The following PIGA variants were observed in gnomAD, a reference collection of about 807,000 sequenced individuals.
PIGA encodes phosphatidylinositol glycan anchor biosynthesis class A.
In PIGA, 3 loss-of-function variants were observed where a neutral mutation model predicts 17.1. The observed-to-expected ratio is 0.18, with a 90% CI of 0.08 to 0.45. The LOEUF is 0.45. Among genes scored for constraint, PIGA ranks in the 20% least tolerant of loss-of-function variants. The pLI is 0.99. For synonymous variants in PIGA, 126 were observed against 135.1 expected (o/e 0.93, Z 0.47); for missense variants, 231 against 374.1 (o/e 0.62, Z 3.16).
intron 3 of PIGA, 100 bp downstream of exon 3, chrX:15,325,814 C>T: frequency 1.7e-6 from 1 of 592,344 alleles, no homozygotes; most frequent in South Asian, 4.6e-5. Flanking sequence ...ATATCAATTA[C>T]ATGCAGGAGA....
At position 15,319,684 on chromosome X, in the gene PIGA, T is replaced by C. The variant is rs1265133246; in HGVS notation, c.*1822A>G. On this transcript the variant is annotated 3_prime_UTR_variant, in exon 6 of 6. Transcript: ENST00000333590. ...GTTACAATTAAGGTATCCAGAAAGG[T>C]TGAAAATTAAGATTTACGTGAAACA... is the stretch of plus-strand genomic sequence containing the variant. 9.1e-6 allele frequency: 1 copy of C among 110,326 alleles called. No homozygotes were observed. The highest frequency in any genetic ancestry group is 1.9e-5 in the Non-Finnish European group (1 of 52,921). The allele number at this position is 110,326 out of a possible 1,213,427, so 9.1% of individuals were successfully genotyped here. A position where few individuals can be genotyped will look rare whatever the true frequency, so the allele number is the denominator to read the frequency against.
chrX:15,322,564 T>C (rs1921848714), intron 5 of PIGA, among the ~76,000 whole-genome samples: 1 of 111,911 alleles, frequency 8.9e-6, no homozygotes, highest in South Asian at 3.7e-4. Context: ...TGGGCCAACA[T>C]TCATATTTTG....
intron 4 of PIGA, 29 bp from the exon 5 acceptor site, chrX:15,324,900 C>T: frequency 8.7e-7 from 1 of 1,154,939 alleles, no homozygotes; most frequent in South Asian, 1.9e-5. Flanking sequence ...ACACATACTC[C>T]ACCATAATCA....
chrX:15,321,298 A>G lies in PIGA; in HGVS notation c.*208T>C. On this transcript the variant is annotated 3_prime_UTR_variant, in exon 6 of 6. Coordinates refer to ENST00000333590, the MANE Select transcript of PIGA (RefSeq NM_002641.4). ...CTGAGTGGCTTAAATGTTCTCTCCT[A>G]AATTTTAAATAAGTGCAAGAAGTTT... 1 of 362,766 alleles carries G rather than the reference A, an allele frequency of 2.8e-6. No homozygotes were observed. 29.9% of individuals were successfully genotyped at this position (362,766 alleles called of 1,213,427 possible). A position where few individuals can be genotyped will look rare whatever the true frequency, so the allele number is the denominator to read the frequency against.
At chrX:15,331,162 A>G in intron 2 of PIGA, 54 bp downstream of exon 2, 1 of 860,234 alleles carries the variant, frequency 1.2e-6, no homozygotes. Flanking sequence ...AGTATTCAAC[A>G]GCTTTCTATA....
chrX:15,334,682 T>C (rs968960685), intron 1 of PIGA, among the ~76,000 whole-genome samples: 2 of 112,088 alleles, frequency 1.8e-5, no homozygotes, highest in African/African-American at 6.5e-5. Context: ...AGATGAACGA[T>C]AGCAAAAACA....
chrX:15,327,254 G>A (rs1312241925), intron 2 of PIGA: 3 of 98,923 alleles, frequency 3.0e-5, no homozygotes, highest in East Asian at 3.1e-4. Flanking sequence ...GCGAGACTCC[G>A]TCTCAAAAAA....
At chrX:15,330,605 CTTTT>C (rs759324105) in intron 2 of PIGA, among the ~76,000 whole-genome samples, 10 of 108,571 alleles carry the variant, frequency 9.2e-5, no homozygotes, top group Non-Finnish European at 1.4e-4. Context: ...CCCTTTACTT[CTTTT>C]TTTTTTCTTT....
At chrX:15,334,626 T>G (rs772855498) in intron 1 of PIGA, among the ~76,000 whole-genome samples, 1 of 112,162 alleles carries the variant, frequency 8.9e-6, no homozygotes, top group Non-Finnish European at 1.9e-5. Flanking sequence ...AACATTTTCT[T>G]ACTGTGGTCA....
chrX:15,331,636 T>G lies in PIGA; in HGVS notation c.295A>C (p.Asn99His), dbSNP rs1241615240. Residue 99 changes from asparagine to histidine, a missense_variant, in exon 2 of 6, where the codon AAC (asparagine) becomes CAC (histidine). Physicochemically the swap from Asn to His is moderately conservative, Grantham distance 68. This residue lies in a region of PIGA where 29 missense variants were observed against 36.6 expected (regional missense o/e 0.79). Transcript: ENST00000333590. ...VYYLPLKVMY[N>H]QSTATTLFHS... is the part of the protein sequence containing the mutation. The stretch of plus-strand genomic sequence containing the variant: ...AAGAGGGTCGTGGCTGTAGACTGGT[T>G]GTACATGACTTTCAGAGGCAAGTAA... 1.7e-6 allele frequency: 2 copies of G among 1,210,356 alleles called. No individual in the cohort carries two copies. The highest frequency in any genetic ancestry group is 2.2e-6 in the Non-Finnish European group (2 of 895,162).
intron 2 of PIGA, chrX:15,330,814 G>A (rs1417670783): frequency 8.5e-6 from 1 of 117,893 alleles, no homozygotes; most frequent in African/African-American, 3.3e-5. Context: ...ATGTTAGCCA[G>A]GATGGTCTCA....
rs757121631 is a variant in PIGA, at chrX:15,325,128, T to C, written c.873A>G (p.Glu291=). The change falls in exon 4 of 6, where the codon GAA becomes GAG. Residue 291 remains glutamate, a synonymous_variant. Transcript: ENST00000333590. ...HDRVRLLGAL[E]HKDVRNVLVQ... The stretch of plus-strand genomic sequence containing the variant: ...CTAAGACATTTCTAACATCCTTGTG[T>C]TCTAAAGCTCCCAAAAGACGCACCC... 9 of 1,194,041 alleles carry C rather than the reference T, an allele frequency of 7.5e-6. No individual in the cohort carries two copies. The Admixed American group carries it at 2.1e-4, about 28-fold the overall frequency.
rs1291571727 is a variant in PIGA at position 15,325,002 on chromosome X, G to A, written c.981+18C>T. On this transcript the variant is annotated intron_variant, in intron 4 of 5. Transcript: ENST00000333590. ...ATACACAGAAATCCCAACCATGAAT[G>A]CCCTCAAAGCTTTTTACCTGTAAAC... 5.1e-6 allele frequency: 6 copies of A among 1,184,262 alleles called. No individual in the cohort carries two copies. In the East Asian group the frequency reaches 1.8e-4, roughly 35 times the overall value.
chrX:15,326,163 A>G (rs1224330855), intron 2 of PIGA, 117 bp from the exon 3 acceptor site: 2 of 438,946 alleles, frequency 4.6e-6, no homozygotes, highest in Non-Finnish European at 7.6e-6. Context: ...CATAAAGGAG[A>G]GAAACTCTCT....
rs1463659436 is a variant in PIGA, at chrX:15,321,426, C to A, written c.*80G>T. ...TAAATTAACTCTAAAAAAACAAAAA[C>A]CCCCCAAAAGCAAGGTTATTTTCCA... On this transcript the variant is annotated 3_prime_UTR_variant, in exon 6 of 6. Transcript: ENST00000333590. 7.8e-6 allele frequency: 7 copies of A among 892,684 alleles called. No homozygotes were observed. The African/African-American group carries it at 1.2e-4, about 15-fold the overall frequency. 73.6% of individuals were successfully genotyped at this position (892,684 alleles called of 1,213,427 possible).
intron 2 of PIGA, among the ~76,000 whole-genome samples, chrX:15,329,141 C>A (rs1387555537): frequency 8.9e-6 from 1 of 112,397 alleles, no homozygotes; most frequent in Non-Finnish European, 1.9e-5. Context: ...CACTCCCTAG[C>A]ACACTGGCAC....
Position 15,321,735 on chromosome X carries a change from A to C in PIGA, c.1226T>G (p.Met409Arg). 1 of 1,210,880 alleles carries C rather than the reference A, an allele frequency of 8.3e-7. No individual in the cohort carries two copies. The highest frequency in any genetic ancestry group is 1.1e-6 in the Non-Finnish European group (1 of 894,546). ...DRVSVEAVLP[M>R]DKRLDRLISH... ...AATAAGTCTGTCCAGTCGTTTGTCC[A>C]TTGGCAACACAGCTTCCACTGATAC... is the stretch of plus-strand genomic sequence containing the variant. Residue 409 changes from methionine to arginine, a missense_variant, in exon 6 of 6, where the codon ATG (methionine) becomes AGG (arginine). By Grantham distance (91) the Met-to-Arg change is moderately conservative. Coordinates refer to ENST00000333590, the MANE Select transcript of PIGA (RefSeq NM_002641.4).
intron 2 of PIGA, among the ~76,000 whole-genome samples, chrX:15,329,868 G>A (rs947636193): frequency 9.0e-6 from 1 of 111,186 alleles, no homozygotes; most frequent in Non-Finnish European, 1.9e-5. Flanking sequence ...GGTGGATCAC[G>A]AGGTCAGGAG....
chrX:15,325,843 C>T (rs968807669), intron 3 of PIGA, 71 bp downstream of exon 3: 18 of 831,543 alleles, frequency 2.2e-5, no homozygotes, highest in African/African-American at 4.1e-5. Context: ...ACCTAAGGTA[C>T]GCATGCAGTT....
Sources: allele counts gnomAD v4.1 joint callset (sites outside exome capture counted in the v4.1 genomes callset), GRCh38; gene constraint gnomAD v4.1.1; regional missense constraint gnomAD v4.1.1; transcripts MANE v1.5; gene names NCBI Gene and HGNC (gene_info 2026-07-23, HGNC 2026-07-21).